The following OTOG variants were observed in gnomAD, a reference collection of about 807,000 sequenced individuals.
The protein encoded by OTOG is otogelin.
In OTOG, 296 loss-of-function variants were observed where a neutral mutation model predicts 313.8. The ratio of observed to expected loss-of-function variants is 0.94; its 90% confidence interval spans 0.86 to 1.04. The LOEUF is 1.04. OTOG is among the 50% of genes least tolerant of loss of function. OTOG has a pLI of 0.00. For missense variants in OTOG, 3,948 were observed against 3,840.1 expected (o/e 1.03, Z -0.74); for synonymous variants, 1,533 against 1,554.9 (o/e 0.99, Z 0.33).
At chr11:17,569,945 C>T (rs1029834038) in intron 16 of OTOG, among the ~76,000 whole-genome samples, 1 of 152,168 alleles carries the variant, frequency 6.6e-6, no homozygotes, top group Non-Finnish European at 1.5e-5. Flanking sequence ...TTAGTGGGAG[C>T]AAAGCTTTAA....
At position 17,612,299 on chromosome 11, in the gene OTOG, G is replaced by T; in HGVS notation, c.6261G>T (p.Gly2087=). The T allele has an allele frequency of 2.6e-6, 4 of 1,539,978 alleles. No individual in the cohort carries two copies. Among genetic ancestry groups the T allele is most frequent in the Non-Finnish European group, 3.5e-6 (4 of 1,146,412 alleles). The stretch of plus-strand genomic sequence containing the variant: ...TGGGCCTCGCCGTGCGGGTGGGTGG[G>T]GACCGCTGCTGCCCACTCTGGGAGT... The part of the protein sequence containing the change: ...GILGLAVRVG[G]DRCCPLWECA... The change falls in exon 37 of 56, where the codon GGG becomes GGT. Residue 2087 remains glycine, a synonymous_variant. Coordinates refer to ENST00000399397, the MANE Select transcript of OTOG (RefSeq NM_001292063.2).
At chr11:17,600,717 G>C (rs1853229716) in intron 31 of OTOG, among the ~76,000 whole-genome samples, 1 of 152,210 alleles carries the variant, frequency 6.6e-6, no homozygotes, top group Non-Finnish European at 1.5e-5. Flanking sequence ...GGGAACTGTG[G>C]TCCCTGGGGC....
chr11:17,613,217 TTCTTTC>T (rs1360840659), intron 38 of OTOG, among the ~76,000 whole-genome samples: 1 of 130,176 alleles, frequency 7.7e-6, no homozygotes, highest in African/African-American at 3.2e-5. Context: ...CTTTCTTTCT[TTCTTTC>T]TTTCTTTCTT....
chr11:17,640,758 A>T lies in OTOG; in HGVS notation c.7949A>T (p.Gln2650Leu), dbSNP rs1847950550. The change falls in exon 50 of 56, where the codon CAG becomes CTG. Residue 2650 changes from glutamine to leucine, a missense_variant. Gln to Leu is a moderately radical substitution (Grantham distance 113, BLOSUM62 -2). Transcript: ENST00000399397. ...TGCCCCACCCAGTGGGAGAAATCCC[A>T]GCTGGATGAGGAGTTCATGCACAGC... ...VPRCHLWEKS[Q>L]LDEEFMHSVE... 6.5e-7 allele frequency: 1 copy of T among 1,549,940 alleles called. No individual in the cohort carries two copies. Among genetic ancestry groups the T allele is most frequent in the African/African-American group, 1.4e-5 (1 of 73,070 alleles).
intron 34 of OTOG, among the ~76,000 whole-genome samples, 179 bp downstream of exon 34, chr11:17,608,592 A>G (rs913138379): frequency 2.0e-5 from 3 of 152,240 alleles, no homozygotes; most frequent in Admixed American, 6.5e-5. Context: ...CTATTTGTGC[A>G]TGATGTGCAT....
rs1346974637 is a variant in OTOG at position 17,606,028 on chromosome 11, C to T, written c.4049C>T (p.Ser1350Phe). 6.4e-7 allele frequency: 1 copy of T among 1,550,454 alleles called. No individual in the cohort carries two copies. Among genetic ancestry groups the T allele is most frequent in the African/African-American group, 1.4e-5 (1 of 73,056 alleles). The change falls in exon 33 of 56, where the codon TCC (serine) becomes TTC (phenylalanine). Residue 1350 changes from serine (S) to phenylalanine (F), a missense_variant. Ser to Phe is a radical substitution (Grantham distance 155). Coordinates refer to ENST00000399397, the MANE Select transcript of OTOG (RefSeq NM_001292063.2). ...CAGGCAGGCCTGGTGGCCCTGGAGT[C>T]CCTGGCCAAGCCCAGCTCCTTCCTC... ...TRQAGLVALE[S>F]LAKPSSFLYV...
intron 12 of OTOG, among the ~76,000 whole-genome samples, 180 bp from the exon 13 acceptor site, chr11:17,560,529 T>A (rs1157877550): frequency 6.6e-6 from 1 of 152,166 alleles, no homozygotes; most frequent in African/African-American, 2.4e-5. Flanking sequence ...GTGGGATTCT[T>A]TCATCAGAAG....
intron 39 of OTOG, among the ~76,000 whole-genome samples, chr11:17,628,781 G>C (rs956192106): frequency 3.3e-5 from 5 of 152,212 alleles, no homozygotes; most frequent in African/African-American, 1.2e-4. Context: ...AATCAGGAAA[G>C]ACTCCCAGAA....
rs926991740 is a variant in OTOG at position 17,591,609 on chromosome 11, G to T, written c.3006+21G>T. 4 of 1,549,830 alleles carry T rather than the reference G, an allele frequency of 2.6e-6. No homozygotes were observed. The African/African-American group carries it at 5.5e-5, about 21-fold the overall frequency. On this transcript the variant is annotated intron_variant, in intron 25 of 55. Coordinates refer to ENST00000399397, the MANE Select transcript of OTOG (RefSeq NM_001292063.2). ...TCAAGGTGAGTTCCCGGATGTTTCT[G>T]CCCAGTTGGCTCCATGCACAGCTGT...
chr11:17,580,222 C>G (rs572102415), intron 23 of OTOG, among the ~76,000 whole-genome samples: 2 of 152,214 alleles, frequency 1.3e-5, no homozygotes, highest in Non-Finnish European at 2.9e-5. Context: ...TGGCCAAGGG[C>G]CCTGGGGCCA....
chr11:17,576,751 G>C, intron 21 of OTOG, 117 bp from the exon 22 acceptor site: 1 of 1,457,162 alleles, frequency 6.9e-7, no homozygotes, highest in Non-Finnish European at 9.4e-7. Flanking sequence ...TGCAGGGAGG[G>C]GGAAGTGAGT....
At chr11:17,559,194 C>A in intron 11 of OTOG, 33 bp downstream of exon 11, 1 of 1,470,944 alleles carries the variant, frequency 6.8e-7, no homozygotes, top group South Asian at 1.2e-5. Flanking sequence ...GCAGGGAGGC[C>A]TTCAGGCTGT....
At chr11:17,560,653 A>G (rs1852159936) in intron 12 of OTOG, 56 bp from the exon 13 acceptor site, 4 of 1,324,510 alleles carry the variant, frequency 3.0e-6, no homozygotes, top group Non-Finnish European at 4.2e-6. Flanking sequence ...GGGAGCCACG[A>G]ATGGTTTGTG....
At position 17,593,733 on chromosome 11, in the gene OTOG, G is replaced by A. The variant is rs528406185; in HGVS notation, c.3265G>A (p.Val1089Ile). 9.4e-5 allele frequency: 146 copies of A among 1,548,674 alleles called. No individual in the cohort carries two copies. Among genetic ancestry groups the A allele is most frequent in the Admixed American group, 4.3e-4 (22 of 51,012 alleles). ...GTGGGACCAGAGAACCACAGTGCACGTCCAGGCTGGGCCTCAGTGGCAGGT... is the reference window on the plus strand; with the variant it reads ...GTGGGACCAGAGAACCACAGTGCACATCCAGGCTGGGCCTCAGTGGCAGGT... The part of the protein sequence containing the change: ...LLWDQRTTVH[V>I]QAGPQWQGQL... Residue 1089 changes from valine to isoleucine, a missense_variant, in exon 27 of 56, where the codon GTC becomes ATC. Physicochemically the swap from Val to Ile is conservative, Grantham distance 29 (BLOSUM62 3). Transcript: ENST00000399397.
At chr11:17,629,010 A>G in intron 39 of OTOG, 123 bp from the exon 40 acceptor site, 1 of 1,012,890 alleles carries the variant, frequency 9.9e-7, no homozygotes, top group Non-Finnish European at 1.4e-6. Flanking sequence ...CAGATGCCTA[A>G]TAAATGTTTG....
intron 48 of OTOG, 114 bp from the exon 49 acceptor site, chr11:17,639,309 G>A: frequency 2.7e-6 from 3 of 1,129,524 alleles, no homozygotes; most frequent in Admixed American, 4.1e-5. Context: ...GGCCTGGCCT[G>A]GAGCTGGGTC....
chr11:17,594,756 C>T (rs1853049946), intron 28 of OTOG, among the ~76,000 whole-genome samples: 1 of 152,164 alleles, frequency 6.6e-6, no homozygotes, highest in South Asian at 2.1e-4. Flanking sequence ...AGCAGTAGAC[C>T]TGGGTTCTTG....
chr11:17,560,688 G>T, intron 12 of OTOG, 21 bp from the exon 13 acceptor site: 1 of 1,516,320 alleles, frequency 6.6e-7, no homozygotes, highest in Non-Finnish European at 9.0e-7. Flanking sequence ...TGAGTTAATT[G>T]GCCCTTTGCT....
chr11:17,573,727 T>G (rs950189873), intron 19 of OTOG, among the ~76,000 whole-genome samples: 1 of 152,230 alleles, frequency 6.6e-6, no homozygotes, highest in African/African-American at 2.4e-5. Context: ...GCTATGCTCC[T>G]TCCCATGTCT....
Sources: allele counts gnomAD v4.1 joint callset (sites outside exome capture counted in the v4.1 genomes callset), GRCh38; gene constraint gnomAD v4.1.1; transcripts MANE v1.5; gene names NCBI Gene and HGNC (gene_info 2026-07-23, HGNC 2026-07-21).